IFI27L1: variants seen among roughly 807,000 people sequenced by gnomAD.
IFI27L1 encodes interferon alpha-inducible protein 27-like protein 1.
In IFI27L1, 3 loss-of-function variants were observed where a neutral mutation model predicts 9.2. The ratio of observed to expected loss-of-function variants is 0.32; its 90% confidence interval spans 0.15 to 0.84. The LOEUF (loss-of-function observed/expected upper bound fraction) is 0.84. Ranked by LOEUF, IFI27L1 falls within the 40% of genes least tolerant of loss-of-function variation. The pLI is 0.56. For missense variants in IFI27L1, 133 were observed against 134.2 expected (o/e 0.99, Z 0.05); for synonymous variants, 53 against 50.0 (o/e 1.06, Z -0.26).
At chr14:94,085,183 A>G (rs1886242060) in intron 1 of IFI27L1, among the ~76,000 whole-genome samples, 1 of 152,200 alleles carries the variant, frequency 6.6e-6, no homozygotes, top group South Asian at 2.1e-4. Context: ...CATATGGAGA[A>G]GTTGGAACAG....
chr14:94,101,353 C>T (rs1270775233), intron 3 of IFI27L1: 3 of 222,378 alleles, frequency 1.3e-5, no homozygotes, highest in Non-Finnish European at 2.7e-5. Context: ...GACTGCACTG[C>T]TCTGGAGATT....
rs66928480 is a variant in IFI27L1, at chr14:94,093,167, C to CTTTT, written c.-51-3706_-51-3703dup. ...CAAAATTTTTGACTGCATTTCTTTTCTTTTTTTTTTTTTTTTTGAGATGGA... is the reference window on the plus strand; with the variant it reads ...CAAAATTTTTGACTGCATTTCTTTTCTTTTTTTTTTTTTTTTTTTTTGAGATGGA... On this transcript the variant is annotated intron_variant, in intron 1 of 4. Transcript: ENST00000555523. 7.0e-4 allele frequency among the ~76,000 whole-genome samples: 88 copies of CTTTT among 125,466 alleles called. 2 individuals carry two copies. The highest frequency in any genetic ancestry group is 2.4e-3 in the African/African-American group (77 of 32,432). 82.3% of individuals were successfully genotyped at this position (125,466 alleles called of 152,430 possible).
intron 2 of IFI27L1, chr14:94,097,442 G>A: frequency 1.7e-6 from 1 of 575,790 alleles, no homozygotes; most frequent in Non-Finnish European, 3.1e-6. Flanking sequence ...CCTCCATTTT[G>A]TTAGGATTTG....
chr14:94,090,679 G>A (rs1470723665), intron 1 of IFI27L1, among the ~76,000 whole-genome samples: 1 of 152,182 alleles, frequency 6.6e-6, no homozygotes, highest in Non-Finnish European at 1.5e-5. Flanking sequence ...GTGTAGGCAA[G>A]ATACGAGGCT....
intron 2 of IFI27L1, among the ~76,000 whole-genome samples, chr14:94,098,354 C>T (rs1886752646): frequency 6.6e-6 from 1 of 152,154 alleles, no homozygotes; most frequent in Non-Finnish European, 1.5e-5. Context: ...ATCTCCATCT[C>T]TGTCTTCACG....
chr14:94,101,468 T>G, intron 3 of IFI27L1: 1 of 332,940 alleles, frequency 3.0e-6, no homozygotes, highest in Non-Finnish European at 5.5e-6. Flanking sequence ...CTGTCAACCT[T>G]TTGCATGGAG....
intron 1 of IFI27L1, among the ~76,000 whole-genome samples, chr14:94,083,462 C>T (rs530722368): frequency 6.6e-6 from 1 of 152,260 alleles, no homozygotes; most frequent in South Asian, 2.1e-4. Context: ...AAAATGCTAC[C>T]AATTAGCATC....
chr14:94,086,485 A>G (rs73351220), intron 1 of IFI27L1, among the ~76,000 whole-genome samples: 1 of 152,164 alleles, frequency 6.6e-6, no homozygotes, highest in African/African-American at 2.4e-5. Flanking sequence ...ACCATTCCCC[A>G]TTGCCAATAA....
intron 1 of IFI27L1, among the ~76,000 whole-genome samples, chr14:94,092,636 AGTGC>A (rs1201940383): frequency 2.6e-5 from 4 of 152,242 alleles, no homozygotes; most frequent in African/African-American, 9.6e-5. Context: ...AGAGAAGATC[AGTGC>A]TCTAAGAAAA....
intron 3 of IFI27L1, chr14:94,101,242 A>G (rs1886884275): frequency 4.0e-6 from 1 of 248,010 alleles, no homozygotes; most frequent in Non-Finnish European, 7.8e-6. Flanking sequence ...AGAAAATCAT[A>G]ATGTTTCTCT....
intron 1 of IFI27L1, among the ~76,000 whole-genome samples, chr14:94,086,894 T>G (rs991022433): frequency 6.6e-6 from 1 of 152,214 alleles, no homozygotes; most frequent in African/African-American, 2.4e-5. Flanking sequence ...ATTTTATTTA[T>G]TCAATTTTTG....
intron 1 of IFI27L1, among the ~76,000 whole-genome samples, chr14:94,093,476 T>C (rs974909891): frequency 6.6e-6 from 1 of 152,184 alleles, no homozygotes; most frequent in Non-Finnish European, 1.5e-5. Flanking sequence ...CGGCCCTGAC[T>C]GCATTTCTTA....
At chr14:94,081,929 T>G (rs1340145992) in intron 1 of IFI27L1, among the ~76,000 whole-genome samples, 1 of 152,112 alleles carries the variant, frequency 6.6e-6, no homozygotes, top group African/African-American at 2.4e-5. Flanking sequence ...AGTGTTCAAG[T>G]GAAAGAAAGA....
intron 1 of IFI27L1, among the ~76,000 whole-genome samples, chr14:94,082,730 A>G (rs1004494762): frequency 6.6e-6 from 1 of 152,238 alleles, no homozygotes; most frequent in Non-Finnish European, 1.5e-5. Context: ...GGTTTACTGA[A>G]TATTTTAAGC....
intron 1 of IFI27L1, among the ~76,000 whole-genome samples, chr14:94,087,082 T>C (rs2402405): frequency 0.53 from 80,050 of 152,036 alleles, 23,218 homozygotes; most frequent in East Asian, 0.95. Flanking sequence ...AAGACAATTA[T>C]GTAATTGTTT....
intron 2 of IFI27L1, among the ~76,000 whole-genome samples, chr14:94,097,945 A>T (rs1053801988): frequency 1.3e-5 from 2 of 152,190 alleles, no homozygotes; most frequent in African/African-American, 4.8e-5. Flanking sequence ...AGTACTTAAC[A>T]CAGTGGGACT....
intron 1 of IFI27L1, among the ~76,000 whole-genome samples, chr14:94,086,656 T>C (rs755614779): frequency 5.9e-5 from 9 of 152,170 alleles, no homozygotes; most frequent in Admixed American, 2.0e-4. Flanking sequence ...GGAAGCCAGA[T>C]TGGAAAGCAA....
chr14:94,102,292 G>GC (rs3830874), intron 4 of IFI27L1, among the ~76,000 whole-genome samples, 185 bp from the exon 5 acceptor site: 33,426 of 152,000 alleles, frequency 0.22, 4,086 homozygotes, highest in East Asian at 0.5. Flanking sequence ...TCCTCTTCGG[G>GC]CAGTGGCCTG....
intron 2 of IFI27L1, among the ~76,000 whole-genome samples, chr14:94,097,879 C>A (rs1186547815): frequency 6.6e-6 from 1 of 152,100 alleles, no homozygotes; most frequent in East Asian, 1.9e-4. Context: ...TTCTCAGATA[C>A]CCAAGGGACA....
Sources: gnomAD v4.1 joint callset for allele counts (sites outside exome capture counted in the v4.1 genomes callset) on GRCh38, gnomAD v4.1.1 for gene constraint, MANE v1.5 for transcripts, NCBI Gene and HGNC (gene_info 2026-07-23, HGNC 2026-07-21) for gene names.